CELSR1: variants seen among roughly 807,000 people sequenced by gnomAD.
The protein encoded by CELSR1 is adhesion G protein-coupled receptor C1.
CELSR1 carries 110 observed loss-of-function variants against 249.1 expected under a neutral mutation model. The ratio of observed to expected loss-of-function variants is 0.44; its 90% confidence interval spans 0.38 to 0.52. CELSR1 has a LOEUF of 0.52. CELSR1 is among the 20% of genes least tolerant of loss of function. The pLI, the probability that CELSR1 is intolerant of heterozygous loss-of-function variation, is 0.00. For synonymous variants in CELSR1, 2,113 were observed against 1,900.0 expected (o/e 1.11, Z -2.92); for missense variants, 4,109 against 4,296.4 (o/e 0.96, Z 1.22).
rs1295013758 is a variant in CELSR1, at chr22:46,537,537, G to A, written c.-367C>T. On this transcript the variant is annotated 5_prime_UTR_variant, in exon 1 of 35. Transcript: ENST00000674500. This position sits in a 1 kb window ranked among gnomAD's most constrained non-coding sequence, Gnocchi z 5.8. ...GGAAGCGGGGCGGGCCCGGCGCGGG[G>A]CGGGGGCTGAGTTCCCGGAGCGGGC... Among the ~76,000 whole-genome samples the A allele has an allele frequency of 6.8e-6, 1 of 147,914 alleles. No individual in the cohort carries two copies. Among genetic ancestry groups the A allele is most frequent in the East Asian group, 2.0e-4 (1 of 5,128 alleles).
In CELSR1 at chr22:46,437,429, G is replaced by C. The variant is rs898715943; in HGVS notation, c.4407-1140C>G. On this transcript the variant is annotated intron_variant, in intron 3 of 34. Coordinates refer to ENST00000674500, the MANE Select transcript of CELSR1 (RefSeq NM_001378328.1). This position sits in a 1 kb window ranked among gnomAD's most constrained non-coding sequence, Gnocchi z 4.9. ...GCAGGAGTCGGCCCGAGCCAGCCTC[G>C]AGCATCTGACCTCAGCCTTTTCTCT... 1.3e-5 allele frequency among the ~76,000 whole-genome samples: 2 copies of C among 152,276 alleles called. No homozygotes were observed. Among genetic ancestry groups the C allele is most frequent in the African/African-American group, 2.4e-5 (1 of 41,552 alleles).
rs2079353312 is a variant in CELSR1 at position 46,412,771 on chromosome 22, T to A, written c.4612-1012A>T. ...CCATGCTGGCCACGGAACTTAAGCATGTGGGTCTCAAAGTTCCAGAAACAC... is the reference window on the plus strand; with the variant it reads ...CCATGCTGGCCACGGAACTTAAGCAAGTGGGTCTCAAAGTTCCAGAAACAC... On this transcript the variant is annotated intron_variant, in intron 5 of 34. Transcript: ENST00000674500. This position sits in a 1 kb window ranked among gnomAD's most constrained non-coding sequence, Gnocchi z 4.5. 6.6e-6 allele frequency among the ~76,000 whole-genome samples: 1 copy of A among 152,196 alleles called. No homozygotes were observed. The highest frequency in any genetic ancestry group is 6.5e-5 in the Admixed American group (1 of 15,278).
chr22:46,387,605 C>A (rs2079046162), intron 18 of CELSR1, among the ~76,000 whole-genome samples: 1 of 151,760 alleles, frequency 6.6e-6, no homozygotes, highest in Admixed American at 6.6e-5. Flanking sequence ...GCAATCTGCC[C>A]ATCTCGGCCT....
chr22:46,464,279 G>T lies in CELSR1; in HGVS notation c.3611C>A (p.Thr1204Asn). Residue 1204 changes from threonine (T) to asparagine (N), a missense_variant, in exon 2 of 35, where the codon ACC becomes AAC. Coordinates refer to ENST00000674500, the MANE Select transcript of CELSR1 (RefSeq NM_001378328.1). The surrounding 1 kb of genome is among the most constrained non-coding windows in gnomAD (Gnocchi z 8.5). ...CTCCAGGCGGACAGTGATGCTGTTG[G>T]TCAGCATGTCGTCCGTGATGATGGT... ...RVTIITDDML[T>N]NSITVRLENM... The T allele has an allele frequency of 6.2e-7, 1 of 1,613,610 alleles. No homozygotes were observed. The highest frequency in any genetic ancestry group is 8.5e-7 in the Non-Finnish European group (1 of 1,180,026).
chr22:46,453,163 C>T (rs564627391), intron 2 of CELSR1, among the ~76,000 whole-genome samples: 4 of 152,156 alleles, frequency 2.6e-5, no homozygotes, highest in East Asian at 1.9e-4. Flanking sequence ...CATGGAAAGA[C>T]GACCGAGGAA....
chr22:46,490,240 A>C lies in CELSR1; in HGVS notation c.3545-25895T>G, dbSNP rs768107198. ...ATTTCCATCTCATGAGACAGGAGCC[A>C]AAAGAGGGATTCCCCAGGGTCACCT... On this transcript the variant is annotated intron_variant, in intron 1 of 34. Transcript: ENST00000674500. The surrounding 1 kb of genome is among the most constrained non-coding windows in gnomAD (Gnocchi z 5.2). Among the ~76,000 whole-genome samples, 3 of 152,272 alleles carry C rather than the reference A, an allele frequency of 2.0e-5. No individual in the cohort carries two copies. Among genetic ancestry groups the C allele is most frequent in the African/African-American group, 7.2e-5 (3 of 41,568 alleles).
At chr22:46,384,996 C>T (rs886553108) in intron 19 of CELSR1, among the ~76,000 whole-genome samples, 4 of 151,834 alleles carry the variant, frequency 2.6e-5, no homozygotes, top group East Asian at 1.9e-4. Context: ...TTCATCATGT[C>T]GGCCAGGCTG....
rs1204661325 is a variant in CELSR1 at position 46,433,743 on chromosome 22, G to A, written c.4523-262C>T. On this transcript the variant is annotated intron_variant, in intron 4 of 34. Transcript: ENST00000674500. This position sits in a 1 kb window ranked among gnomAD's most constrained non-coding sequence, Gnocchi z 5.7. ...TCTGTCGCCCAGGCTGGAGTGCAGT[G>A]GCGTGATCTCAGCTCACTGCCACCT... 6.6e-6 allele frequency among the ~76,000 whole-genome samples: 1 copy of A among 152,184 alleles called. No homozygotes were observed. Among genetic ancestry groups the A allele is most frequent in the African/African-American group, 2.4e-5 (1 of 41,440 alleles).
chr22:46,422,529 CTG>C (rs2079487052), intron 5 of CELSR1, among the ~76,000 whole-genome samples: 5 of 151,240 alleles, frequency 3.3e-5, no homozygotes, highest in Admixed American at 3.3e-4. Context: ...GGTCAGGTGA[CTG>C]AGACCATCCT....
At chr22:46,520,765 A>T (rs9627486) in intron 1 of CELSR1, among the ~76,000 whole-genome samples, 73,369 of 151,936 alleles carry the variant, frequency 0.48, 19,795 homozygotes, top group East Asian at 0.78. Flanking sequence ...ACCATTTTTA[A>T]ATGCACCCAC....
intron 5 of CELSR1, among the ~76,000 whole-genome samples, chr22:46,418,468 G>A (rs1454263598): frequency 1.3e-5 from 2 of 151,926 alleles, no homozygotes; most frequent in East Asian, 1.9e-4. Flanking sequence ...CTGGGCGACA[G>A]AGCAAGATTC....
chr22:46,371,902 C>T (rs1458980570), intron 25 of CELSR1, among the ~76,000 whole-genome samples: 1 of 147,142 alleles, frequency 6.8e-6, no homozygotes, highest in Non-Finnish European at 1.5e-5. Context: ...CCCACCTCTC[C>T]ATCCCTCCAT....
Position 46,534,921 on chromosome 22 carries a change from C to T in CELSR1, c.2250G>A (p.Leu750=). 2 of 1,612,480 alleles carry T rather than the reference C, an allele frequency of 1.2e-6. No individual in the cohort carries two copies. Among genetic ancestry groups the T allele is most frequent in the African/African-American group, 2.7e-5 (2 of 75,008 alleles). Residue 750 remains leucine, a synonymous_variant, in exon 1 of 35, where the codon CTG becomes CTA. Transcript: ENST00000674500. This position sits in a 1 kb window ranked among gnomAD's most constrained non-coding sequence, Gnocchi z 9.7. ...CGTACTGCTGCTCCTGCTTGTAGTCCAGAGGTAGCGCCAGGGTGATGAGGC... is the reference window on the plus strand; with the variant it reads ...CGTACTGCTGCTCCTGCTTGTAGTCTAGAGGTAGCGCCAGGGTGATGAGGC... The part of the protein sequence containing the change: ...GGGLITLALP[L]DYKQEQQYVL...
intron 1 of CELSR1, among the ~76,000 whole-genome samples, chr22:46,515,920 C>T (rs1343342637): frequency 4.6e-5 from 7 of 152,202 alleles, no homozygotes; most frequent in Non-Finnish European, 1.0e-4. Flanking sequence ...TCATCTCACA[C>T]CAGTTACAAT....
At chr22:46,371,561 A>G (rs2078851582) in intron 25 of CELSR1, among the ~76,000 whole-genome samples, 1 of 151,520 alleles carries the variant, frequency 6.6e-6, no homozygotes, top group Admixed American at 6.6e-5. Flanking sequence ...CATCCCATCC[A>G]CCCACTGCAC....
chr22:46,409,816 G>A lies in CELSR1; in HGVS notation c.4998C>T (p.Asn1666=). The part of the protein sequence containing the change: ...RRCQNGGTCV[N]RWNMYLCECP... ...ACTCACACAGATACATATTCCACCT[G>A]TTGACACAGGTGCCTCCATTCTGAC... Residue 1666 remains asparagine (N), a synonymous_variant, in exon 8 of 35, where the codon AAC becomes AAT. Transcript: ENST00000674500. This position sits in a 1 kb window ranked among gnomAD's most constrained non-coding sequence, Gnocchi z 9.8. The A allele has an allele frequency of 1.9e-6, 3 of 1,613,982 alleles. No individual in the cohort carries two copies. The highest frequency in any genetic ancestry group is 2.5e-6 in the Non-Finnish European group (3 of 1,180,002).
rs1266128866 is a variant in CELSR1, at chr22:46,365,259, G to A, written c.8526C>T (p.Ala2842=). The change falls in exon 32 of 35, where the codon GCC becomes GCT. Residue 2842 remains alanine (A), a synonymous_variant. Coordinates refer to ENST00000674500, the MANE Select transcript of CELSR1 (RefSeq NM_001378328.1). ...GVGAEEKWDP[A]RGAVHSTPKG... ...TGGGGGTGCTGTGGACGGCGCCCCT[G>A]GCCGGGTCCCATTTTTCCTCAGCTC... 6.2e-7 allele frequency: 1 copy of A among 1,612,500 alleles called. No homozygotes were observed. Among genetic ancestry groups the A allele is most frequent in the South Asian group, 1.1e-5 (1 of 91,076 alleles).
intron 5 of CELSR1, among the ~76,000 whole-genome samples, chr22:46,424,016 G>A (rs2079509868): frequency 6.6e-6 from 1 of 152,054 alleles, no homozygotes; most frequent in South Asian, 2.1e-4. Context: ...AGAGCATAGG[G>A]TTATCCTTCA....
chr22:46,392,402 C>T (rs968239855), intron 14 of CELSR1, among the ~76,000 whole-genome samples: 2 of 151,796 alleles, frequency 1.3e-5, no homozygotes. Context: ...TCGTGAGCAA[C>T]GTTCAGACCT....
Sources: gnomAD v4.1 joint callset for allele counts (sites outside exome capture counted in the v4.1 genomes callset) on GRCh38, gnomAD v4.1.1 for gene constraint, Gnocchi (gnomAD v3.1) non-coding constraint, MANE v1.5 for transcripts, NCBI Gene and HGNC (gene_info 2026-07-23, HGNC 2026-07-21) for gene names.